The following CNBD1 variants were observed in gnomAD, a reference collection of about 807,000 sequenced individuals.
The protein encoded by CNBD1 is cyclic nucleotide binding domain containing 1.
A neutral mutation model predicts 54.4 loss-of-function variants in CNBD1; 71 were observed. The observed-to-expected ratio is 1.30, with a 90% CI of 1.08 to 1.59. The LOEUF (loss-of-function observed/expected upper bound fraction) is 1.59. Among genes scored for constraint, CNBD1 ranks in the 40% most tolerant of loss-of-function variants. The pLI is 0.00. For missense variants in CNBD1, 659 were observed against 518.0 expected (o/e 1.27, Z -2.64); for synonymous variants, 182 against 170.7 (o/e 1.07, Z -0.51).
intron 8 of CNBD1, among the ~76,000 whole-genome samples, chr8:87,331,959 T>G (rs1238409192): frequency 6.6e-6 from 1 of 152,216 alleles, no homozygotes; most frequent in Non-Finnish European, 1.5e-5. Context: ...TTCTGTATAT[T>G]AGACATTTGT....
At chr8:87,399,607 A>G (rs770117790) in intron 2 of CNBD1, among the ~76,000 whole-genome samples, 2 of 151,994 alleles carry the variant, frequency 1.3e-5, no homozygotes, top group Admixed American at 6.6e-5. Flanking sequence ...TGAGAGCAGG[A>G]GTGTTATTCA....
chr8:87,420,775 T>A (rs914235148), intron 2 of CNBD1, among the ~76,000 whole-genome samples: 1 of 133,848 alleles, frequency 7.5e-6, no homozygotes, highest in Non-Finnish European at 1.5e-5. Flanking sequence ...GATTTTCTTC[T>A]TTTTTTTTTT....
At chr8:86,926,462 A>T (rs918413344) in intron 3 of CNBD1, among the ~76,000 whole-genome samples, 79 of 152,278 alleles carry the variant, frequency 5.2e-4, no homozygotes, top group African/African-American at 1.6e-3. Context: ...TTTGACAAGG[A>T]GGTTAAAAAT....
intron 4 of CNBD1, among the ~76,000 whole-genome samples, chr8:87,079,201 TAATG>T (rs1450140988): frequency 2.6e-5 from 4 of 152,296 alleles, no homozygotes; most frequent in South Asian, 2.1e-4. Context: ...TACTTTTTAA[TAATG>T]AATAGTTTTT....
intron 4 of CNBD1, among the ~76,000 whole-genome samples, chr8:87,031,332 G>A (rs1809786496): frequency 6.6e-6 from 1 of 152,014 alleles, no homozygotes; most frequent in Non-Finnish European, 1.5e-5. Flanking sequence ...ACTCGTGTGT[G>A]CAACATTGCT....
rs148089508 is a variant in CNBD1, at chr8:87,394,622, T to C, written c.214-33924T>C. Among the ~76,000 whole-genome samples the C allele has an allele frequency of 6.3e-3, 960 of 152,044 alleles. 9 individuals are homozygous for C. Among genetic ancestry groups the C allele is most frequent in the African/African-American group, 0.022 (899 of 41,522 alleles). On this transcript the variant is annotated intron_variant, in intron 2 of 7. Coordinates refer to the CNBD1 transcript ENST00000521593. ...GGTGATAAACATCTACCCTTCTTCA[T>C]AGATGCGTGTTTTGTTTTCAGAATA...
Position 87,257,649 on chromosome 8 carries a change from G to A in CNBD1, c.771+20537G>A, listed in dbSNP as rs139146821. Among the ~76,000 whole-genome samples, 542 of 152,106 alleles carry A rather than the reference G, an allele frequency of 3.6e-3. 2 individuals carry two copies. The highest frequency in any genetic ancestry group is 0.023 in the South Asian group (112 of 4,826). On this transcript the variant is annotated intron_variant, in intron 6 of 10. Transcript: ENST00000518476. ...GACAAGGCAGCCATCCTGGTTCTCC[G>A]TGAGTCCATGCTTAACATTGGATTT...
At chr8:86,902,633 T>C (rs16894790) in intron 2 of CNBD1, among the ~76,000 whole-genome samples, 3,311 of 152,036 alleles carry the variant, frequency 0.022, 122 homozygotes, top group African/African-American at 0.076. Context: ...TTTCATCTGC[T>C]TGAGGAAGTT....
At chr8:87,209,558 C>T (rs142890173) in intron 5 of CNBD1, among the ~76,000 whole-genome samples, 1 of 152,158 alleles carries the variant, frequency 6.6e-6, no homozygotes, top group East Asian at 1.9e-4. Flanking sequence ...TTTCTATGCT[C>T]ATGGGTTGAA....
At chr8:87,302,534 G>C (rs1013560583) in intron 8 of CNBD1, among the ~76,000 whole-genome samples, 3 of 151,382 alleles carry the variant, frequency 2.0e-5, no homozygotes, top group African/African-American at 7.3e-5. Context: ...CCAATATCCT[G>C]AATGGGCAAA....
chr8:87,340,272 A>T (rs375592706), intron 8 of CNBD1, among the ~76,000 whole-genome samples: 1 of 152,178 alleles, frequency 6.6e-6, no homozygotes, highest in Admixed American at 6.5e-5. Context: ...CTAGTAGGTG[A>T]TAATTCATAT....
chr8:87,292,770 A>T (rs1255170529), intron 8 of CNBD1, among the ~76,000 whole-genome samples: 3 of 152,136 alleles, frequency 2.0e-5, no homozygotes, highest in Non-Finnish European at 4.4e-5. Flanking sequence ...AGTATCTGGA[A>T]GAAGTCAGGA....
chr8:87,215,576 A>G (rs183858299), intron 5 of CNBD1, among the ~76,000 whole-genome samples: 1,846 of 149,218 alleles, frequency 0.012, 21 homozygotes, highest in Middle Eastern at 0.031. Flanking sequence ...CGACAGAGTG[A>G]GACTCCTTCT....
chr8:86,967,404 T>A (rs1323665631), intron 4 of CNBD1, among the ~76,000 whole-genome samples: 1 of 152,250 alleles, frequency 6.6e-6, no homozygotes, highest in Non-Finnish European at 1.5e-5. Flanking sequence ...GACTTGGGTT[T>A]GCAGCTGTGG....
intron 4 of CNBD1, among the ~76,000 whole-genome samples, chr8:87,203,575 TC>T (rs1416264733): frequency 6.6e-6 from 1 of 152,196 alleles, no homozygotes; most frequent in Non-Finnish European, 1.5e-5. Context: ...ACAGTTAGCA[TC>T]TCTTCTGTAG....
intron 2 of CNBD1, among the ~76,000 whole-genome samples, chr8:87,415,687 T>A (rs1453677606): frequency 6.6e-6 from 1 of 151,966 alleles, no homozygotes; most frequent in Non-Finnish European, 1.5e-5. Context: ...TTAATGAGCA[T>A]TCTAGATTCC....
intron 4 of CNBD1, among the ~76,000 whole-genome samples, chr8:87,159,594 A>G (rs942965483): frequency 2.6e-5 from 4 of 152,056 alleles, no homozygotes; most frequent in African/African-American, 9.7e-5. Context: ...CTTTTAAGGT[A>G]GTGATGCTGG....
At chr8:87,035,778 C>T (rs1180151902) in intron 4 of CNBD1, among the ~76,000 whole-genome samples, 1 of 152,094 alleles carries the variant, frequency 6.6e-6, no homozygotes, top group Non-Finnish European at 1.5e-5. Flanking sequence ...CAATGTATGG[C>T]AGCCCGGCTC....
chr8:86,987,671 G>A (rs1018749184), intron 4 of CNBD1, among the ~76,000 whole-genome samples: 16 of 152,250 alleles, frequency 1.1e-4, no homozygotes, highest in Admixed American at 8.5e-4. Context: ...TTTGAAGTGT[G>A]TGCCTTCAAT....
Sources: allele counts gnomAD v4.1 joint callset (sites outside exome capture counted in the v4.1 genomes callset), GRCh38; gene constraint gnomAD v4.1.1; transcripts MANE v1.5; gene names NCBI Gene and HGNC (gene_info 2026-07-23, HGNC 2026-07-21).